The following TMEM45B variants were observed in gnomAD, a reference collection of about 807,000 sequenced individuals.
TMEM45B encodes transmembrane protein 45B.
A neutral mutation model predicts 27.3 loss-of-function variants in TMEM45B; 29 were observed. The ratio of observed to expected loss-of-function variants is 1.06; its 90% CI spans 0.79 to 1.45. TMEM45B has a LOEUF of 1.45. Among genes scored for constraint, TMEM45B ranks in the 40% most tolerant of loss-of-function variants. The pLI is 0.00. For synonymous variants in TMEM45B, 143 were observed against 134.7 expected (o/e 1.06, Z -0.43); for missense variants, 348 against 343.9 (o/e 1.01, Z -0.09).
intron 5 of TMEM45B, 58 bp from the exon 6 acceptor site, chr11:129,858,516 T>C: frequency 8.0e-7 from 1 of 1,249,146 alleles, no homozygotes; most frequent in Non-Finnish European, 1.1e-6. Flanking sequence ...CTTCACATCC[T>C]TGGTAATGGA....
intron 1 of TMEM45B, among the ~76,000 whole-genome samples, chr11:129,831,138 C>A (rs1397289501): frequency 6.6e-6 from 1 of 152,112 alleles, no homozygotes; most frequent in Non-Finnish European, 1.5e-5. Context: ...TATATGTGTA[C>A]TAGAACAATT....
At chr11:129,840,607 G>A (rs927912722) in intron 1 of TMEM45B, among the ~76,000 whole-genome samples, 7 of 152,102 alleles carry the variant, frequency 4.6e-5, no homozygotes, top group African/African-American at 9.7e-5. Context: ...AGCGGGCTGG[G>A]CACAGTGGCT....
intron 1 of TMEM45B, among the ~76,000 whole-genome samples, chr11:129,839,522 G>A (rs1458471214): frequency 1.3e-5 from 2 of 152,182 alleles, no homozygotes; most frequent in African/African-American, 4.8e-5. Flanking sequence ...TTGCCTTTGT[G>A]AAAGCACTTA....
chr11:129,818,650 T>C lies in TMEM45B; in HGVS notation c.-9+2752T>C, dbSNP rs542103023. ...TCTTGTTGAATTTTGTGATGGAAGATTGTGATTTGTTTTTCCCGAACACTT... is the reference window on the plus strand; with the variant it reads ...TCTTGTTGAATTTTGTGATGGAAGACTGTGATTTGTTTTTCCCGAACACTT... On this transcript the variant is annotated intron_variant, in intron 1 of 5. Coordinates refer to ENST00000281441, the MANE Select transcript of TMEM45B (RefSeq NM_138788.5). 4.6e-5 allele frequency among the ~76,000 whole-genome samples: 7 copies of C among 152,350 alleles called. No individual in the cohort carries two copies. In the South Asian group the frequency reaches 1.4e-3, roughly 32 times the overall value.
intron 1 of TMEM45B, among the ~76,000 whole-genome samples, chr11:129,847,418 T>TTTTTTTTTA (rs1947776895): frequency 6.7e-6 from 1 of 148,602 alleles, no homozygotes; most frequent in African/African-American, 2.5e-5. Context: ...TTTTTTTTTA[T>TTTTTTTTTA]TTTTTTTTAT....
intron 1 of TMEM45B, among the ~76,000 whole-genome samples, chr11:129,846,174 A>G (rs1947758133): frequency 6.6e-6 from 1 of 152,234 alleles, no homozygotes; most frequent in African/African-American, 2.4e-5. Flanking sequence ...CCAGAATAAA[A>G]CAAAAGTGTT....
At chr11:129,848,613 C>G (rs952139369) in intron 1 of TMEM45B, among the ~76,000 whole-genome samples, 14 of 152,160 alleles carry the variant, frequency 9.2e-5, no homozygotes, top group Non-Finnish European at 1.8e-4. Flanking sequence ...GTAGCTGGTG[C>G]TAGAGGGACG....
At chr11:129,816,579 G>C (rs1947354104) in intron 1 of TMEM45B, among the ~76,000 whole-genome samples, 1 of 152,038 alleles carries the variant, frequency 6.6e-6, no homozygotes, top group Non-Finnish European at 1.5e-5. Context: ...GCCCTGTCTA[G>C]GGCCAGAGAA....
rs773827002 is a variant in TMEM45B, at chr11:129,858,676, T to C, written c.819T>C (p.Asp273=). Residue 273 remains aspartate, a synonymous_variant, in exon 6 of 6, where the codon GAT becomes GAC. Coordinates refer to ENST00000281441, the MANE Select transcript of TMEM45B (RefSeq NM_138788.5). ...AGACCGCCCTCTTGAGTGGCTCAGA[T>C]GAGGAATGAGCCGAGATGCGGAGGG... ...TYQTALLSGS[D]EE is the part of the protein sequence containing the mutation. 6.4e-7 allele frequency: 1 copy of C among 1,559,474 alleles called. No individual in the cohort carries two copies. Among genetic ancestry groups the C allele is most frequent in the Admixed American group, 1.9e-5 (1 of 51,678 alleles).
rs1395830846 is a variant in TMEM45B at position 129,858,562 on chromosome 11, T to C, written c.717-12T>C. On this transcript the variant is annotated splice_polypyrimidine_tract_variant and intron_variant, in intron 5 of 5. Coordinates refer to ENST00000281441, the MANE Select transcript of TMEM45B (RefSeq NM_138788.5). ...CTCTGGCTAATTGGCTCTTACTCTTTCTCTATTAAAGCCTTTTGACTCGGA... is the reference window on the plus strand; with the variant it reads ...CTCTGGCTAATTGGCTCTTACTCTTCCTCTATTAAAGCCTTTTGACTCGGA... 2 of 1,568,614 alleles carry C rather than the reference T, an allele frequency of 1.3e-6. No individual in the cohort carries two copies. Among genetic ancestry groups the C allele is most frequent in the South Asian group, 1.2e-5 (1 of 85,426 alleles).
At chr11:129,830,471 G>T (rs1294393369) in intron 1 of TMEM45B, among the ~76,000 whole-genome samples, 3 of 151,666 alleles carry the variant, frequency 2.0e-5, no homozygotes, top group African/African-American at 7.3e-5. Context: ...ACAAACAAAA[G>T]AAAAAAAACA....
intron 1 of TMEM45B, among the ~76,000 whole-genome samples, chr11:129,825,119 G>A (rs948248164): frequency 6.7e-5 from 10 of 150,300 alleles, no homozygotes; most frequent in East Asian, 3.9e-4. Context: ...GACTGGCTGC[G>A]GGGTGGAAGA....
chr11:129,817,893 T>C (rs925616932), intron 1 of TMEM45B, among the ~76,000 whole-genome samples: 21 of 152,214 alleles, frequency 1.4e-4, no homozygotes, highest in African/African-American at 5.1e-4. Context: ...TCACCACACA[T>C]AGAGTCACTC....
intron 1 of TMEM45B, among the ~76,000 whole-genome samples, chr11:129,847,368 C>T (rs1039253288): frequency 2.0e-5 from 3 of 151,892 alleles, no homozygotes; most frequent in Admixed American, 6.6e-5. Context: ...AGTTGATTTT[C>T]TGAAAACTGT....
intron 1 of TMEM45B, among the ~76,000 whole-genome samples, chr11:129,845,858 AAAC>A (rs1416825237): frequency 6.6e-6 from 1 of 152,222 alleles, no homozygotes; most frequent in Non-Finnish European, 1.5e-5. Flanking sequence ...AGGGGATCCA[AAAC>A]AAGGAAAAGC....
intron 1 of TMEM45B, among the ~76,000 whole-genome samples, chr11:129,820,811 T>C (rs1947409967): frequency 6.6e-6 from 1 of 152,216 alleles, no homozygotes; most frequent in Non-Finnish European, 1.5e-5. Context: ...TAGAAGGTTT[T>C]CATTGAGTTT....
intron 2 of TMEM45B, among the ~76,000 whole-genome samples, chr11:129,854,111 G>A (rs573610820): frequency 4.7e-4 from 72 of 152,160 alleles, no homozygotes; most frequent in Non-Finnish European, 3.2e-4. Flanking sequence ...AATCAGCCCT[G>A]CAGACACGCA....
chr11:129,852,659 TGG>T lies in TMEM45B; in HGVS notation c.178_178+1del, dbSNP rs1947865268. ...CAATTAGGACTTTGTTTTCCGTCACTGGTAAGAGCAGGGGTCATTTGGTCTAG... is the reference window on the plus strand; with the variant it reads ...CAATTAGGACTTTGTTTTCCGTCACTTAAGAGCAGGGGTCATTTGGTCTAG... On this transcript the variant is annotated splice_donor_variant and coding_sequence_variant, in exon 2 of 6. Transcript: ENST00000281441. LOFTEE classifies it high-confidence loss of function. 1.2e-6 allele frequency: 2 copies of T among 1,601,838 alleles called. No individual in the cohort carries two copies.
intron 1 of TMEM45B, among the ~76,000 whole-genome samples, chr11:129,832,186 C>T (rs1433075278): frequency 3.3e-5 from 5 of 150,992 alleles, no homozygotes; most frequent in South Asian, 2.1e-4. Context: ...CTAGCTAACA[C>T]GGTGAAACCC....
Sources: gnomAD v4.1 joint callset for allele counts (sites outside exome capture counted in the v4.1 genomes callset) on GRCh38, gnomAD v4.1.1 for gene constraint, MANE v1.5 for transcripts, NCBI Gene and HGNC (gene_info 2026-07-23, HGNC 2026-07-21) for gene names.